FHDC1: variants seen among roughly 807,000 people sequenced by gnomAD.
The protein encoded by FHDC1 is FH2 domain containing 1, also known as FH2 domain-containing protein 1.
A neutral mutation model predicts 52.6 loss-of-function variants in FHDC1; 25 were observed. That is an observed-to-expected ratio of 0.48 (90% CI 0.35 to 0.66). The LOEUF is 0.66. Ranked by LOEUF, FHDC1 falls within the 30% of genes least tolerant of loss-of-function variation. The probability of loss-of-function intolerance (pLI) is 0.01; values close to 1 mark genes in which losing one functional copy is unlikely to be tolerated. For missense variants in FHDC1, 1,459 were observed against 1,452.8 expected, an observed-to-expected ratio of 1.00 and a Z score of -0.07; for synonymous variants, 616 against 581.5, an observed-to-expected ratio of 1.06 and a Z score of -0.85.
intron 1 of FHDC1, among the ~76,000 whole-genome samples, chr4:152,938,679 G>A (rs1388594003): frequency 6.6e-6 from 1 of 152,212 alleles, no homozygotes; most frequent in East Asian, 1.9e-4. Context: ...ATGTGGGCCA[G>A]CCCTTCCTGC....
rs530555590 is a variant in FHDC1, at chr4:152,955,528, C to T, written c.663+1209C>T. 9.2e-5 allele frequency among the ~76,000 whole-genome samples: 14 copies of T among 152,238 alleles called. No individual in the cohort carries two copies. The South Asian group carries it at 1.2e-3, about 14-fold the overall frequency. On this transcript the variant is annotated intron_variant, in intron 4 of 11. Coordinates refer to ENST00000511601, the MANE Select transcript of FHDC1 (RefSeq NM_001371116.1). ...TTTTTTTGAGACAGTCTTGCTCTGTCGCCCAGGCTGGAGTGCAGTGATCTC... is the reference window on the plus strand; with the variant it reads ...TTTTTTTGAGACAGTCTTGCTCTGTTGCCCAGGCTGGAGTGCAGTGATCTC...
intron 8 of FHDC1, among the ~76,000 whole-genome samples, chr4:152,964,518 C>T (rs1048931788): frequency 2.0e-5 from 3 of 152,266 alleles, no homozygotes; most frequent in Middle Eastern, 3.4e-3. Context: ...GGCTCCTGTA[C>T]CTTCTGATTA....
intron 1 of FHDC1, among the ~76,000 whole-genome samples, chr4:152,937,341 A>G (rs1453950847): frequency 1.3e-5 from 2 of 151,960 alleles, no homozygotes; most frequent in African/African-American, 4.8e-5. Context: ...CTTTCGTTTC[A>G]TTCACACGGA....
At chr4:152,953,865 G>A (rs1056779922) in intron 3 of FHDC1, among the ~76,000 whole-genome samples, 7 of 152,248 alleles carry the variant, frequency 4.6e-5, no homozygotes, top group Admixed American at 2.6e-4. Context: ...GAGTCAAATA[G>A]CGGTCAGAGT....
the FHDC1 span, among the ~76,000 whole-genome samples, chr4:152,929,141 C>T: frequency 6.6e-6 from 1 of 152,052 alleles, no homozygotes; most frequent in Non-Finnish European, 1.5e-5. The surrounding 1 kb of genome is among the most constrained non-coding windows in gnomAD (Gnocchi z 4.1). Flanking sequence ...TGTACATTGG[C>T]TCAGTCCAGA....
the FHDC1 span, among the ~76,000 whole-genome samples, chr4:152,921,550 C>G: frequency 1.0e-5 from 1 of 97,654 alleles, no homozygotes; most frequent in South Asian, 4.3e-4. Context: ...ATTTTCTTTC[C>G]TTCCTTCCTT....
intron 4 of FHDC1, among the ~76,000 whole-genome samples, chr4:152,956,718 C>T (rs1327714100): frequency 6.6e-6 from 1 of 152,162 alleles, no homozygotes; most frequent in Non-Finnish European, 1.5e-5. Flanking sequence ...AGCCACTGAA[C>T]CAGGCAGCAG....
At position 152,968,040 on chromosome 4, in the gene FHDC1, A is replaced by G; in HGVS notation, c.1161A>G (p.Leu387=). The G allele has an allele frequency of 6.2e-7, 1 of 1,613,988 alleles. No individual in the cohort carries two copies. Among genetic ancestry groups the G allele is most frequent in the Non-Finnish European group, 8.5e-7 (1 of 1,179,948 alleles). ...TGCTGTTTGTCAGGACAAAATCACT[A>G]AAAGAAAACATCCAGCGGGATGGTG... ...LHLLFVRTKS[L]KENIQRDGEL... Residue 387 remains leucine, a synonymous_variant, in exon 10 of 12, where the codon CTA becomes CTG. Transcript: ENST00000511601.
At chr4:152,925,876 A>AAGGAGGAGG in the FHDC1 span, among the ~76,000 whole-genome samples, 1 of 94,612 alleles carries the variant, frequency 1.1e-5, no homozygotes, top group Non-Finnish European at 2.5e-5. Context: ...GAAGGAGGAG[A>AAGGAGGAGG]AGGAGGAGGA....
the FHDC1 span, among the ~76,000 whole-genome samples, chr4:152,927,188 G>T: frequency 3.7e-4 from 56 of 152,324 alleles, no homozygotes; most frequent in Admixed American, 2.5e-3. Flanking sequence ...TTTAGATCTC[G>T]ACCAAGTTTT....
At chr4:152,956,219 G>C (rs1025931830) in intron 4 of FHDC1, among the ~76,000 whole-genome samples, 6 of 152,008 alleles carry the variant, frequency 3.9e-5, no homozygotes, top group Non-Finnish European at 8.8e-5. Flanking sequence ...ATTCCTGCTT[G>C]GGCTGTTTTC....
chr4:152,976,846 G>A lies in FHDC1; in HGVS notation c.*123G>A. 7.7e-7 allele frequency: 1 copy of A among 1,299,454 alleles called. No individual in the cohort carries two copies. Among genetic ancestry groups the A allele is most frequent in the Non-Finnish European group, 1.0e-6 (1 of 977,284 alleles). The allele number at this position is 1,299,454 out of a possible 1,614,324, so 80.5% of individuals were successfully genotyped here. A position where few individuals can be genotyped will look rare whatever the true frequency, so the allele number is the denominator to read the frequency against. On this transcript the variant is annotated 3_prime_UTR_variant, in exon 12 of 12. Coordinates refer to ENST00000511601, the MANE Select transcript of FHDC1 (RefSeq NM_001371116.1). Reference sequence around the variant, plus strand: ...AAAGCAGCCACTGGTGCCACTGCTAGTGACGCTGTTGGGATGGCACAGTCC... The same window carrying A: ...AAAGCAGCCACTGGTGCCACTGCTAATGACGCTGTTGGGATGGCACAGTCC...
rs753845266 is a variant in FHDC1 at position 152,976,113 on chromosome 4, G to A, written c.2822G>A (p.Arg941His). Residue 941 changes from arginine to histidine, a missense_variant, in exon 12 of 12, where the codon CGC becomes CAC. Around this residue, in one of 3 missense-constraint regions of FHDC1, gnomAD observed 939 missense variants for 854.5 expected, o/e 1.10. Transcript: ENST00000511601. ...AGCAGCACAGATACTGTGTGGTCAC[G>A]CCAGAACTCCGTGCGGAGGGCCTCC... ...PPSSTDTVWS[R>H]QNSVRRASTG... 4.3e-6 allele frequency: 7 copies of A among 1,610,908 alleles called. No individual in the cohort carries two copies. In the South Asian group the frequency reaches 6.6e-5, roughly 15 times the overall value.
At chr4:152,955,219 T>TGTGATAGTAATACATACTACC (rs1740047737) in intron 4 of FHDC1, among the ~76,000 whole-genome samples, 1 of 152,180 alleles carries the variant, frequency 6.6e-6, no homozygotes, top group Non-Finnish European at 1.5e-5. Flanking sequence ...TGGAAATTGT[T>TGTGATAGTAATACATACTACC]GTGATAGTAA....
rs574206180 is a variant in FHDC1, at chr4:152,978,413, T to G, written c.*1690T>G. 6.6e-6 allele frequency: 1 copy of G among 152,304 alleles called. No homozygotes were observed. Among genetic ancestry groups the G allele is most frequent in the Non-Finnish European group, 1.5e-5 (1 of 68,026 alleles). 9.4% of individuals were successfully genotyped at this position (152,304 alleles called of 1,614,324 possible). ...GACATCTCTTCCTTGGTACAGTGGT[T>G]TTTAAATACTGAGAAGAACCAAGTC... On this transcript the variant is annotated 3_prime_UTR_variant, in exon 12 of 12. Coordinates refer to ENST00000511601, the MANE Select transcript of FHDC1 (RefSeq NM_001371116.1).
At chr4:152,917,716 T>C in the FHDC1 span, among the ~76,000 whole-genome samples, 1 of 152,130 alleles carries the variant, frequency 6.6e-6, no homozygotes, top group East Asian at 1.9e-4. Context: ...CAGTCATGAG[T>C]ATTTGCTGAA....
chr4:152,976,966 C>A lies in FHDC1; in HGVS notation c.*243C>A. 2.8e-6 allele frequency: 1 copy of A among 351,482 alleles called. No homozygotes were observed. Among genetic ancestry groups the A allele is most frequent in the Non-Finnish European group, 4.9e-6 (1 of 204,832 alleles). 21.8% of individuals were successfully genotyped at this position (351,482 alleles called of 1,614,324 possible). A position where few individuals can be genotyped will look rare whatever the true frequency, so the allele number is the denominator to read the frequency against. ...TCACTACTGTGACGGCCGCACCTCC[C>A]CCATGCACCCCACCCTCCCCCAAAG... On this transcript the variant is annotated 3_prime_UTR_variant, in exon 12 of 12. Transcript: ENST00000511601.
chr4:152,960,931 G>C (rs150518257), intron 6 of FHDC1, 87 bp downstream of exon 6: 19 of 917,098 alleles, frequency 2.1e-5, no homozygotes, highest in Middle Eastern at 3.4e-4. Flanking sequence ...ATTGGACATG[G>C]AAAGTCCTGA....
At chr4:152,930,317 A>AT in the FHDC1 span, among the ~76,000 whole-genome samples, 1 of 152,218 alleles carries the variant, frequency 6.6e-6, no homozygotes, top group South Asian at 2.1e-4. Flanking sequence ...GTACAGATAA[A>AT]TTTTCTTCTT....
Sources: gnomAD v4.1 joint callset for allele counts (sites outside exome capture counted in the v4.1 genomes callset) on GRCh38, gnomAD v4.1.1 for gene constraint, gnomAD v4.1.1 regional missense constraint, Gnocchi (gnomAD v3.1) non-coding constraint, MANE v1.5 for transcripts, NCBI Gene and HGNC (gene_info 2026-07-23, HGNC 2026-07-21) for gene names.